The following NOS1AP variants were observed in gnomAD, a reference collection of about 807,000 sequenced individuals.
The protein encoded by NOS1AP is carboxyl-terminal PDZ ligand of neuronal nitric oxide synthase protein.
A neutral mutation model predicts 56.2 loss-of-function variants in NOS1AP; 21 were observed. The observed-to-expected ratio is 0.37, with a 90% confidence interval of 0.26 to 0.54. The LOEUF (loss-of-function observed/expected upper bound fraction) is 0.54, where lower values mean the gene tolerates loss of function less well. Among genes scored for constraint, NOS1AP ranks in the 20% least tolerant of loss-of-function variants. The pLI, the probability that NOS1AP is intolerant of heterozygous loss-of-function variation, is 0.84. For synonymous variants in NOS1AP, 270 were observed against 274.6 expected, an observed-to-expected ratio of 0.98 and a Z score of 0.17; for missense variants, 522 against 657.8, an observed-to-expected ratio of 0.79 and a Z score of 2.26.
rs766514452 is a variant in NOS1AP, at chr1:162,113,312, G to A, written c.106-41093G>A. Among the ~76,000 whole-genome samples the A allele has an allele frequency of 2.0e-4, 30 of 152,134 alleles. 1 individual carries two copies. The highest frequency in any genetic ancestry group is 2.0e-4 in the Admixed American group (3 of 15,274). On this transcript the variant is annotated intron_variant, in intron 1 of 9. Coordinates refer to ENST00000361897, the MANE Select transcript of NOS1AP (RefSeq NM_014697.3). ...CCAGGCATGACTTGGTTGTTAGGAC[G>A]TCCACACCTCAAGCCTGCAGAAGTG...
intron 2 of NOS1AP, among the ~76,000 whole-genome samples, chr1:162,220,109 T>C (rs1297146382): frequency 6.6e-6 from 1 of 152,102 alleles, no homozygotes; most frequent in African/African-American, 2.4e-5. Flanking sequence ...TTTTAAAAGT[T>C]TTTGTAGAGA....
chr1:162,277,687 A>T (rs1414780590), intron 2 of NOS1AP, among the ~76,000 whole-genome samples: 2 of 152,220 alleles, frequency 1.3e-5, no homozygotes, highest in African/African-American at 4.8e-5. Flanking sequence ...CATCCTGTCT[A>T]GCTCCTATTA....
intron 2 of NOS1AP, among the ~76,000 whole-genome samples, chr1:162,262,190 G>C (rs1278069661): frequency 6.6e-6 from 1 of 152,172 alleles, no homozygotes; most frequent in Non-Finnish European, 1.5e-5. Flanking sequence ...TTTGCTTTCT[G>C]TATTTCATGT....
chr1:162,281,577 A>G (rs1327188286), intron 2 of NOS1AP, among the ~76,000 whole-genome samples: 1 of 152,184 alleles, frequency 6.6e-6, no homozygotes, highest in South Asian at 2.1e-4. Flanking sequence ...GTGAGCAGAT[A>G]TTTCAAGAAT....
intron 2 of NOS1AP, among the ~76,000 whole-genome samples, chr1:162,185,594 T>C (rs1651407492): frequency 6.6e-6 from 1 of 152,216 alleles, no homozygotes; most frequent in Admixed American, 6.5e-5. Flanking sequence ...TAACTTGCCA[T>C]GTGCATTAGG....
At chr1:162,121,046 GA>G (rs1214057344) in intron 1 of NOS1AP, among the ~76,000 whole-genome samples, 1 of 148,750 alleles carries the variant, frequency 6.7e-6, no homozygotes, top group Non-Finnish European at 1.5e-5. Context: ...GGCCTATAGA[GA>G]GATGCCTTTC....
intron 5 of NOS1AP, among the ~76,000 whole-genome samples, chr1:162,339,111 C>T (rs544761078): frequency 1.3e-5 from 2 of 152,242 alleles, no homozygotes; most frequent in African/African-American, 2.4e-5. Flanking sequence ...GCTCCCTTTC[C>T]AGCTGTATTT....
chr1:162,366,246 G>A (rs1658081260), intron 9 of NOS1AP, among the ~76,000 whole-genome samples: 1 of 152,134 alleles, frequency 6.6e-6, no homozygotes, highest in African/African-American at 2.4e-5. Flanking sequence ...GTGTGTGTGG[G>A]CTGTGGACCA....
intron 2 of NOS1AP, among the ~76,000 whole-genome samples, chr1:162,284,004 G>C (rs908276769): frequency 6.6e-6 from 1 of 152,212 alleles, no homozygotes; most frequent in Non-Finnish European, 1.5e-5. Context: ...TTGGATTCCT[G>C]TCCTGTGGAA....
intron 1 of NOS1AP, among the ~76,000 whole-genome samples, chr1:162,118,981 G>T (rs1648090041): frequency 6.6e-6 from 1 of 152,130 alleles, no homozygotes; most frequent in Non-Finnish European, 1.5e-5. Flanking sequence ...AGTTCATGGG[G>T]ATTTCTAGGT....
intron 8 of NOS1AP, chr1:162,364,199 C>T (rs944903890): frequency 1.0e-6 from 1 of 985,444 alleles, no homozygotes. Context: ...TTTGACTCCC[C>T]ATCCATCTTC....
At chr1:162,107,479 G>A (rs1438942806) in intron 1 of NOS1AP, among the ~76,000 whole-genome samples, 1 of 151,820 alleles carries the variant, frequency 6.6e-6, no homozygotes, top group East Asian at 1.9e-4. Flanking sequence ...GACTATAGGT[G>A]TGCACCACCA....
chr1:162,272,433 G>A (rs908674278), intron 2 of NOS1AP, among the ~76,000 whole-genome samples: 4 of 152,154 alleles, frequency 2.6e-5, no homozygotes, highest in African/African-American at 9.7e-5. Flanking sequence ...GTCCATGGAG[G>A]TGCTGGGCTG....
At chr1:162,237,888 A>G (rs1353303024) in intron 2 of NOS1AP, among the ~76,000 whole-genome samples, 7 of 152,222 alleles carry the variant, frequency 4.6e-5, no homozygotes, top group Admixed American at 4.6e-4. Context: ...CATGGGAGAC[A>G]CATGAGTCCT....
intron 1 of NOS1AP, among the ~76,000 whole-genome samples, chr1:162,072,249 A>C (rs999763727): frequency 1.3e-5 from 2 of 152,194 alleles, no homozygotes; most frequent in Non-Finnish European, 2.9e-5. Context: ...TTTTAATTTG[A>C]TACATCTTGG....
At chr1:162,075,774 C>CT (rs11398400) in intron 1 of NOS1AP, among the ~76,000 whole-genome samples, 80,432 of 149,664 alleles carry the variant, frequency 0.54, 22,702 homozygotes, top group Non-Finnish European at 0.65. Context: ...GCCCAGACTA[C>CT]TTTTTTTTTT....
At chr1:162,114,835 G>T (rs1217648400) in intron 1 of NOS1AP, among the ~76,000 whole-genome samples, 1 of 152,146 alleles carries the variant, frequency 6.6e-6, no homozygotes, top group Non-Finnish European at 1.5e-5. Context: ...GCGTCTATGT[G>T]ACCTCTCCCC....
At chr1:162,250,144 G>C (rs939616090) in intron 2 of NOS1AP, among the ~76,000 whole-genome samples, 1 of 152,142 alleles carries the variant, frequency 6.6e-6, no homozygotes, top group Non-Finnish European at 1.5e-5. Context: ...GGCTTATGCT[G>C]TCTTCAGAAA....
chr1:162,350,633 AC>A (rs1168635349), intron 6 of NOS1AP, among the ~76,000 whole-genome samples: 1 of 152,232 alleles, frequency 6.6e-6, no homozygotes, highest in African/African-American at 2.4e-5. Flanking sequence ...GGCAAAATAG[AC>A]CTTTTTTGAA....
Sources: gnomAD v4.1 joint callset for allele counts (sites outside exome capture counted in the v4.1 genomes callset) on GRCh38, gnomAD v4.1.1 for gene constraint, MANE v1.5 for transcripts, NCBI Gene and HGNC (gene_info 2026-07-23, HGNC 2026-07-21) for gene names.